The following CNTN4 variants were observed in gnomAD, a reference collection of about 807,000 sequenced individuals.
The protein encoded by CNTN4 is contactin-4.
A neutral mutation model predicts 122.5 loss-of-function variants in CNTN4; 77 were observed. The ratio of observed to expected loss-of-function variants is 0.63; its 90% CI spans 0.52 to 0.76. The LOEUF is 0.76. CNTN4 is among the 30% of genes least tolerant of loss of function. The pLI is 0.00. For synonymous variants in CNTN4, 512 were observed against 447.0 expected (o/e 1.15, Z -1.83); for missense variants, 1,256 against 1,259.1 (o/e 1.00, Z 0.04).
At position 2,852,340 on chromosome 3, in the gene CNTN4, TC is replaced by T. The variant is rs368235541; in HGVS notation, c.455-14411del. Among the ~76,000 whole-genome samples, 540 of 152,290 alleles carry T rather than the reference TC, an allele frequency of 3.5e-3. 2 individuals are homozygous for T. Among genetic ancestry groups the T allele is most frequent in the African/African-American group, 0.012 (515 of 41,550 alleles). On this transcript the variant is annotated intron_variant, in intron 7 of 24. Transcript: ENST00000418658. ...ATAACTTTAGGAAAATAAAATACTG[TC>T]TATGATAAGATATTAGGGTAGCTTT...
chr3:2,500,935 T>C (rs1042703855), intron 3 of CNTN4, among the ~76,000 whole-genome samples: 9 of 152,056 alleles, frequency 5.9e-5, no homozygotes, highest in African/African-American at 1.7e-4. Context: ...TCCTCTTTTT[T>C]CCCCCCCGCA....
rs1167143393 is a variant in CNTN4, at chr3:2,418,766, T to A, written c.-89+79533T>A. Among the ~76,000 whole-genome samples the A allele has an allele frequency of 1.1e-4, 16 of 152,302 alleles. No individual in the cohort carries two copies. In the East Asian group the frequency reaches 2.9e-3, roughly 28 times the overall value. ...AATACATAAAACAATATCAGGGACA[T>A]TGAATTGATGAAAGTAATCAGTAAC... On this transcript the variant is annotated intron_variant, in intron 3 of 24. Coordinates refer to ENST00000418658, the MANE Select transcript of CNTN4 (RefSeq NM_175607.3).
chr3:2,379,720 G>A (rs1387136065), intron 3 of CNTN4, among the ~76,000 whole-genome samples: 1 of 152,080 alleles, frequency 6.6e-6, no homozygotes, highest in Non-Finnish European at 1.5e-5. Flanking sequence ...ACCTCTCAAA[G>A]TGACAGTTTC....
chr3:2,391,611 A>T (rs1221093561), intron 3 of CNTN4, among the ~76,000 whole-genome samples: 2 of 152,192 alleles, frequency 1.3e-5, no homozygotes, highest in Non-Finnish European at 2.9e-5. Flanking sequence ...AGTATAATAA[A>T]TAAAGGATGA....
chr3:2,657,448 C>G (rs1036685301), intron 4 of CNTN4, among the ~76,000 whole-genome samples: 1 of 152,090 alleles, frequency 6.6e-6, no homozygotes, highest in African/African-American at 2.4e-5. Flanking sequence ...GCACAGCAAA[C>G]TTATTTGCTG....
intron 4 of CNTN4, among the ~76,000 whole-genome samples, chr3:2,705,196 G>A (rs536077012): frequency 3.9e-4 from 59 of 150,600 alleles, no homozygotes; most frequent in African/African-American, 1.2e-3. Flanking sequence ...GTGAAACCCC[G>A]TCTCTACTAA....
At chr3:2,294,080 C>G (rs1029482417) in intron 2 of CNTN4, among the ~76,000 whole-genome samples, 3 of 152,172 alleles carry the variant, frequency 2.0e-5, no homozygotes, top group Non-Finnish European at 4.4e-5. Flanking sequence ...AGCTTGTTCC[C>G]ATGGTGGTGA....
chr3:2,139,478 C>T (rs1479384335), intron 2 of CNTN4, among the ~76,000 whole-genome samples: 1 of 152,144 alleles, frequency 6.6e-6, no homozygotes, highest in East Asian at 1.9e-4. Context: ...TTTCATGACG[C>T]ACATTTTATT....
intron 6 of CNTN4, among the ~76,000 whole-genome samples, chr3:2,764,721 A>G (rs1447897245): frequency 3.3e-5 from 5 of 152,254 alleles, no homozygotes; most frequent in Non-Finnish European, 5.9e-5. Flanking sequence ...ATCAGTTCAC[A>G]CATCGTCAAC....
intron 10 of CNTN4, among the ~76,000 whole-genome samples, chr3:2,897,795 A>G (rs2094131280): frequency 1.3e-5 from 2 of 152,188 alleles, no homozygotes; most frequent in Non-Finnish European, 2.9e-5. Context: ...GTGGCCCTCA[A>G]AAACTTGTGA....
Position 2,618,970 on chromosome 3 carries a change from A to C in CNTN4, c.55+47412A>C, listed in dbSNP as rs756289916. Among the ~76,000 whole-genome samples, 23 of 152,222 alleles carry C rather than the reference A, an allele frequency of 1.5e-4. 1 individual carries two copies. The highest frequency in any genetic ancestry group is 3.4e-4 in the Non-Finnish European group (23 of 68,030). On this transcript the variant is annotated intron_variant, in intron 4 of 24. Coordinates refer to ENST00000418658, the MANE Select transcript of CNTN4 (RefSeq NM_175607.3). ...GACTGGGAAATTATTTAGGCTCACC[A>C]AACCAGTTATCTGTAAAATACAGGA...
chr3:3,044,999 C>G (rs1379244216), intron 23 of CNTN4, among the ~76,000 whole-genome samples: 3 of 152,094 alleles, frequency 2.0e-5, no homozygotes, highest in Non-Finnish European at 2.9e-5. Context: ...GTCCCATGCC[C>G]GGCTCAGAGG....
chr3:2,561,226 G>A (rs938851617), intron 3 of CNTN4, among the ~76,000 whole-genome samples: 2 of 152,122 alleles, frequency 1.3e-5, no homozygotes, highest in Non-Finnish European at 2.9e-5. Flanking sequence ...GTCTGTATGT[G>A]CAGCATGCTT....
intron 3 of CNTN4, among the ~76,000 whole-genome samples, chr3:2,506,708 T>C (rs2076739932): frequency 1.3e-5 from 2 of 152,160 alleles, no homozygotes; most frequent in African/African-American, 4.8e-5. Context: ...ATGTTGCCCA[T>C]CTATTTAGGG....
chr3:2,232,438 A>G (rs1432436139), intron 2 of CNTN4, among the ~76,000 whole-genome samples: 3 of 152,170 alleles, frequency 2.0e-5, no homozygotes, highest in Non-Finnish European at 4.4e-5. Flanking sequence ...AGATTTATCA[A>G]TGCTTATTAA....
At chr3:2,532,055 T>C (rs1010861768) in intron 3 of CNTN4, among the ~76,000 whole-genome samples, 4 of 152,236 alleles carry the variant, frequency 2.6e-5, no homozygotes, top group Non-Finnish European at 4.4e-5. Context: ...AATTGACTTC[T>C]TAACTCACAC....
In CNTN4 at chr3:2,851,140, G is replaced by C. The variant is rs114911327; in HGVS notation, c.455-15612G>C. Reference sequence around the variant, plus strand: ...ACAGAGGGATAATTAACACTTATTTGCATCCACATAAAGGGAGCATTTTCT... The same window carrying C: ...ACAGAGGGATAATTAACACTTATTTCCATCCACATAAAGGGAGCATTTTCT... On this transcript the variant is annotated intron_variant, in intron 7 of 24. Transcript: ENST00000418658. Among the ~76,000 whole-genome samples, 1,305 of 152,248 alleles carry C rather than the reference G, an allele frequency of 8.6e-3. 21 individuals carry two copies. The highest frequency in any genetic ancestry group is 0.03 in the African/African-American group (1,237 of 41,542).
chr3:3,026,062 C>G, intron 14 of CNTN4, 40 bp from the exon 15 acceptor site: 1 of 1,571,862 alleles, frequency 6.4e-7, no homozygotes, highest in Non-Finnish European at 8.7e-7. Context: ...AGCTCACAGA[C>G]TTTGTTGTTG....
rs200704087 is a variant in CNTN4, at chr3:2,101,739, A to G, written c.-145+1100A>G. On this transcript the variant is annotated intron_variant, in intron 2 of 24. Coordinates refer to ENST00000418658, the MANE Select transcript of CNTN4 (RefSeq NM_175607.3). ...TAAACTGAAGACATGCTGTTATATG[A>G]TACACTACTTATAAAACACACAAAG... 2.0e-5 allele frequency among the ~76,000 whole-genome samples: 3 copies of G among 151,824 alleles called. No individual in the cohort carries two copies. The East Asian group carries it at 5.8e-4, about 29-fold the overall frequency.
Sources: gnomAD v4.1 joint callset for allele counts (sites outside exome capture counted in the v4.1 genomes callset) on GRCh38, gnomAD v4.1.1 for gene constraint, MANE v1.5 for transcripts, NCBI Gene and HGNC (gene_info 2026-07-23, HGNC 2026-07-21) for gene names.